ATF6: variants seen among roughly 807,000 people sequenced by gnomAD.
ATF6 encodes activating transcription factor 6, also known as cyclic AMP-dependent transcription factor ATF-6 alpha.
A neutral mutation model predicts 83.6 loss-of-function variants in ATF6; 53 were observed. The observed-to-expected ratio is 0.63, with a 90% CI of 0.51 to 0.80. The LOEUF is 0.80. ATF6 is among the 30% of genes least tolerant of loss of function. ATF6 has a pLI of 0.00. For synonymous variants in ATF6, 288 were observed against 285.8 expected (o/e 1.01, Z -0.08); for missense variants, 744 against 797.9 (o/e 0.93, Z 0.81).
At chr1:161,933,534 A>G (rs1029587161) in intron 15 of ATF6, among the ~76,000 whole-genome samples, 1 of 152,232 alleles carries the variant, frequency 6.6e-6, no homozygotes, top group African/African-American at 2.4e-5. Context: ...TGTAAAGATG[A>G]TTTTAATTTG....
intron 15 of ATF6, among the ~76,000 whole-genome samples, chr1:161,927,151 G>C (rs1041099531): frequency 6.6e-6 from 1 of 152,004 alleles, no homozygotes; most frequent in African/African-American, 2.4e-5. Context: ...ACTTAGGGGA[G>C]TTTAACACAA....
rs11376981 is a variant in ATF6, at chr1:161,826,931, A to ATTT, written c.1187+5786_1187+5788dup. 6.2e-3 allele frequency among the ~76,000 whole-genome samples: 806 copies of ATTT among 129,600 alleles called. 20 individuals are homozygous for ATTT. Among genetic ancestry groups the ATTT allele is most frequent in the South Asian group, 0.023 (92 of 4,072 alleles). The allele number at this position is 129,600 out of a possible 152,430, so 85.0% of individuals were successfully genotyped here. On this transcript the variant is annotated intron_variant, in intron 9 of 15. Coordinates refer to ENST00000367942, the MANE Select transcript of ATF6 (RefSeq NM_007348.4). ...TCAAAAGAATTTTTTGATTGGCCCC[A>ATTT]TTTTTTTTTTTTTTTTTTGAGATGG...
chr1:161,876,137 T>C (rs559163626), intron 14 of ATF6, among the ~76,000 whole-genome samples: 9 of 152,088 alleles, frequency 5.9e-5, no homozygotes, highest in African/African-American at 2.2e-4. Context: ...TCAGTACTGT[T>C]AGTGTTTGTT....
At chr1:161,851,619 T>G (rs949518175) in intron 10 of ATF6, 103 bp from the exon 11 acceptor site, 1 of 699,108 alleles carries the variant, frequency 1.4e-6, no homozygotes, top group Admixed American at 2.4e-5. Flanking sequence ...GTTTACTATA[T>G]TTTTGTTTCC....
At chr1:161,856,011 G>T (rs1396159156) in intron 12 of ATF6, among the ~76,000 whole-genome samples, 3 of 152,174 alleles carry the variant, frequency 2.0e-5, no homozygotes, top group Non-Finnish European at 4.4e-5. Flanking sequence ...CAGGAGTCAA[G>T]AAAGAGTTTT....
In ATF6 at chr1:161,851,813, A is replaced by G; in HGVS notation, c.1411A>G (p.Ile471Val). ...TCCTCCACCTCCTTGTCAGCCCCTA[A>G]TTAACACAACAGAGTCTCTCAGGTG... ...YIPPPPCQPL[I>V]NTTESLRLNH... Residue 471 changes from isoleucine (I) to valine (V), a missense_variant, in exon 11 of 16, where the codon ATT becomes GTT. Coordinates refer to ENST00000367942, the MANE Select transcript of ATF6 (RefSeq NM_007348.4). The G allele has an allele frequency of 3.1e-6, 5 of 1,613,262 alleles. No homozygotes were observed. Among genetic ancestry groups the G allele is most frequent in the Non-Finnish European group, 3.4e-6 (4 of 1,179,260 alleles).
intron 1 of ATF6, among the ~76,000 whole-genome samples, chr1:161,771,216 C>CCTCCTTT (rs1041629916): frequency 6.6e-6 from 1 of 151,952 alleles, no homozygotes; most frequent in Non-Finnish European, 1.5e-5. Flanking sequence ...CCCTCCTCCT[C>CCTCCTTT]CTCCTTTCTC....
chr1:161,842,687 A>G (rs1027660057), intron 9 of ATF6, among the ~76,000 whole-genome samples: 1 of 152,212 alleles, frequency 6.6e-6, no homozygotes, highest in Non-Finnish European at 1.5e-5. Context: ...AAAATATCAC[A>G]GATCACCACT....
chr1:161,962,331 A>G lies in ATF6; in HGVS notation c.*3677A>G, dbSNP rs889893966. 1.1e-4 allele frequency: 16 copies of G among 152,138 alleles called. No individual in the cohort carries two copies. The highest frequency in any genetic ancestry group is 3.9e-4 in the African/African-American group (16 of 41,406). 9.4% of individuals were successfully genotyped at this position (152,138 alleles called of 1,614,324 possible). A position where few individuals can be genotyped will look rare whatever the true frequency, so the allele number is the denominator to read the frequency against. On this transcript the variant is annotated 3_prime_UTR_variant, in exon 16 of 16. Coordinates refer to ENST00000367942, the MANE Select transcript of ATF6 (RefSeq NM_007348.4). ...TTTTAAAGAGACATCATCCTGACTA[A>G]ATCTTAGCCTGAACCTTCCTCCCCT...
chr1:161,864,294 C>T (rs566446244), intron 14 of ATF6, among the ~76,000 whole-genome samples: 16 of 152,106 alleles, frequency 1.1e-4, no homozygotes, highest in Admixed American at 3.3e-4. Flanking sequence ...AGCAGGATGC[C>T]AAACCCACTT....
At chr1:161,957,207 C>T (rs1006592098) in intron 15 of ATF6, among the ~76,000 whole-genome samples, 1 of 151,920 alleles carries the variant, frequency 6.6e-6, no homozygotes, top group African/African-American at 2.4e-5. Context: ...AAGAATTCTA[C>T]GTTTAAATTC....
intron 4 of ATF6, among the ~76,000 whole-genome samples, chr1:161,788,617 T>C (rs1279371514): frequency 6.6e-6 from 1 of 152,132 alleles, no homozygotes; most frequent in Non-Finnish European, 1.5e-5. Context: ...AGTCCTTCTA[T>C]GCTTTTAGAG....
Position 161,821,172 on chromosome 1 carries a change from A to T in ATF6, c.1187+11A>T. ...CTATGGACCTATGAGGTAAGTGAAT[A>T]GATATTTATTTTGGACACTAATGCT... On this transcript the variant is annotated intron_variant, in intron 9 of 15. Coordinates refer to ENST00000367942, the MANE Select transcript of ATF6 (RefSeq NM_007348.4). The T allele has an allele frequency of 6.4e-7, 1 of 1,556,940 alleles. No homozygotes were observed. The highest frequency in any genetic ancestry group is 8.8e-7 in the Non-Finnish European group (1 of 1,141,762).
intron 4 of ATF6, among the ~76,000 whole-genome samples, chr1:161,784,430 T>A (rs1044270567): frequency 6.6e-6 from 1 of 152,210 alleles, no homozygotes; most frequent in Non-Finnish European, 1.5e-5. Context: ...ATTCTTTATA[T>A]ATGGACATAG....
intron 15 of ATF6, among the ~76,000 whole-genome samples, chr1:161,946,447 T>C (rs978505950): frequency 5.9e-5 from 9 of 152,218 alleles, no homozygotes; most frequent in Non-Finnish European, 1.0e-4. Context: ...CTATTAGGAA[T>C]TGTTCCATAA....
chr1:161,777,082 G>T (rs1684533655), intron 1 of ATF6, among the ~76,000 whole-genome samples: 1 of 152,230 alleles, frequency 6.6e-6, no homozygotes, highest in Non-Finnish European at 1.5e-5. Flanking sequence ...GTAAGATGAG[G>T]ACTATGAGTT....
chr1:161,900,675 A>G (rs1377744231), intron 14 of ATF6, among the ~76,000 whole-genome samples: 1 of 152,136 alleles, frequency 6.6e-6, no homozygotes, highest in Non-Finnish European at 1.5e-5. Context: ...TATTTAAAGT[A>G]TCTCCTTAAT....
intron 7 of ATF6, among the ~76,000 whole-genome samples, chr1:161,803,938 C>G (rs1474946398): frequency 6.6e-6 from 1 of 151,524 alleles, no homozygotes; most frequent in Admixed American, 6.6e-5. Flanking sequence ...GTGCGCTGCA[C>G]CCACTAACTC....
chr1:161,777,135 T>C (rs1684534570), intron 1 of ATF6, among the ~76,000 whole-genome samples: 1 of 152,170 alleles, frequency 6.6e-6, no homozygotes, highest in Non-Finnish European at 1.5e-5. Context: ...GGGACATTAA[T>C]AATTATGTGT....
Sources: allele counts gnomAD v4.1 joint callset (sites outside exome capture counted in the v4.1 genomes callset), GRCh38; gene constraint gnomAD v4.1.1; transcripts MANE v1.5; gene names NCBI Gene and HGNC (gene_info 2026-07-23, HGNC 2026-07-21).